The following LRP1B variants were observed in gnomAD, a reference collection of about 807,000 sequenced individuals.
LRP1B encodes the protein LDL receptor related protein 1B, also known as low-density lipoprotein receptor-related protein 1B.
Under a neutral mutation model 556.6 loss-of-function variants are expected in LRP1B, and 217 were observed. The observed-to-expected ratio is 0.39, with a 90% CI of 0.35 to 0.44. The LOEUF (loss-of-function observed/expected upper bound fraction) is 0.44. Among genes scored for constraint, LRP1B ranks in the 20% least tolerant of loss-of-function variants. The probability of loss-of-function intolerance (pLI) is 1.00; values close to 1 mark genes in which losing one functional copy is unlikely to be tolerated. For synonymous variants in LRP1B, 2,047 were observed against 1,865.8 expected, an observed-to-expected ratio of 1.10 and a Z score of -2.50; for missense variants, 5,053 against 5,620.8, an observed-to-expected ratio of 0.90 and a Z score of 3.23.
At chr2:140,501,527 A>G (rs1203570784) in intron 55 of LRP1B, among the ~76,000 whole-genome samples, 160 bp downstream of exon 55, 2 of 152,020 alleles carry the variant, frequency 1.3e-5, no homozygotes, top group African/African-American at 4.8e-5. Flanking sequence ...CAACTTTTAT[A>G]TCACACTACT....
chr2:142,089,027 T>C (rs1255143384), intron 1 of LRP1B, among the ~76,000 whole-genome samples: 4 of 146,664 alleles, frequency 2.7e-5, no homozygotes, highest in Non-Finnish European at 6.0e-5. Flanking sequence ...CTTATATACA[T>C]AAACGCATTA....
chr2:141,948,019 C>T (rs1224101169), intron 1 of LRP1B, among the ~76,000 whole-genome samples: 1 of 152,006 alleles, frequency 6.6e-6, no homozygotes, highest in Non-Finnish European at 1.5e-5. Flanking sequence ...GATGATAGGC[C>T]AGGCACAGTG....
At chr2:141,878,971 A>G (rs1357180104) in intron 1 of LRP1B, among the ~76,000 whole-genome samples, 1 of 151,866 alleles carries the variant, frequency 6.6e-6, no homozygotes, top group Non-Finnish European at 1.5e-5. Context: ...AAACCTTACT[A>G]TTTTTGAGAG....
intron 3 of LRP1B, among the ~76,000 whole-genome samples, chr2:141,392,843 G>C (rs181806139): frequency 1.3e-5 from 2 of 152,124 alleles, no homozygotes; most frequent in South Asian, 4.1e-4. Flanking sequence ...CTTAGGAATT[G>C]GGCTGTGGAA....
intron 2 of LRP1B, among the ~76,000 whole-genome samples, chr2:141,620,353 T>C (rs1025983363): frequency 1.3e-5 from 2 of 152,258 alleles, no homozygotes; most frequent in Admixed American, 6.5e-5. Context: ...GAACAGCTTT[T>C]AACAAAACCA....
rs115693237 is a variant in LRP1B at position 141,309,052 on chromosome 2, G to T, written c.344-54411C>A. Among the ~76,000 whole-genome samples the T allele has an allele frequency of 4.1e-3, 621 of 152,248 alleles. 2 individuals carry two copies. Among genetic ancestry groups the T allele is most frequent in the African/African-American group, 0.014 (575 of 41,566 alleles). On this transcript the variant is annotated intron_variant, in intron 3 of 90. Transcript: ENST00000389484. ...CTTCAAATTGAGGATTTGTTTTGTAGCACATTGAATTTTAGCACATGGTTT... is the reference window on the plus strand; with the variant it reads ...CTTCAAATTGAGGATTTGTTTTGTATCACATTGAATTTTAGCACATGGTTT...
At chr2:140,431,287 C>T (rs1685928413) in intron 66 of LRP1B, among the ~76,000 whole-genome samples, 1 of 152,202 alleles carries the variant, frequency 6.6e-6, no homozygotes, top group Non-Finnish European at 1.5e-5. Flanking sequence ...TTACCACTTT[C>T]CCTTCTCAGA....
Position 140,474,948 on chromosome 2 carries a change from T to C in LRP1B, c.9625+190A>G, listed in dbSNP as rs1228610803. 3.3e-5 allele frequency among the ~76,000 whole-genome samples: 5 copies of C among 150,398 alleles called. No individual in the cohort carries two copies. The Admixed American group carries it at 3.3e-4, about 10-fold the overall frequency. On this transcript the variant is annotated intron_variant, in intron 60 of 90. Transcript: ENST00000389484. ...AAGAAAACATTGATAGTGTAAAATA[T>C]CTTGTGCATAACATATAATTTTTGA... is the stretch of plus-strand genomic sequence containing the variant.
In LRP1B at chr2:142,124,752, A is replaced by G. The variant is rs143521511; in HGVS notation, c.82+5896T>C. The stretch of plus-strand genomic sequence containing the variant: ...AAAAATATTTCATTTGCCTAGTATG[A>G]GAGACACAACAGCAAAAGCACATAT... On this transcript the variant is annotated intron_variant, in intron 1 of 90. Coordinates refer to ENST00000389484, the MANE Select transcript of LRP1B (RefSeq NM_018557.3). Among the ~76,000 whole-genome samples the G allele has an allele frequency of 4.0e-3, 611 of 151,994 alleles. 23 individuals carry two copies. The highest frequency in any genetic ancestry group is 0.036 in the Admixed American group (548 of 15,234).
intron 2 of LRP1B, among the ~76,000 whole-genome samples, chr2:141,732,264 T>C (rs1693302310): frequency 1.3e-5 from 2 of 152,184 alleles, no homozygotes; most frequent in African/African-American, 2.4e-5. Flanking sequence ...TAAAAAAATC[T>C]GTAACTGTTC....
Position 141,841,603 on chromosome 2 carries a change from C to A in LRP1B, c.83-31202G>T, listed in dbSNP as rs184379922. Among the ~76,000 whole-genome samples, 48 of 152,160 alleles carry A rather than the reference C, an allele frequency of 3.2e-4. No individual in the cohort carries two copies. In the East Asian group the frequency reaches 8.3e-3, roughly 26 times the overall value. On this transcript the variant is annotated intron_variant, in intron 1 of 90. Coordinates refer to ENST00000389484, the MANE Select transcript of LRP1B (RefSeq NM_018557.3). ...TTCCAGATACTGTTTGTTTTGTATT[C>A]TTTGGCTTGAAAGCAGGGTTGATGA... is the stretch of plus-strand genomic sequence containing the variant.
chr2:140,450,672 A>T lies in LRP1B; in HGVS notation c.9964-11T>A. 1 of 1,575,774 alleles carries T rather than the reference A, an allele frequency of 6.3e-7. No homozygotes were observed. Among genetic ancestry groups the T allele is most frequent in the South Asian group, 1.1e-5 (1 of 88,686 alleles). ...AGTTTTGCAACGAAACTTAAAAAAG[A>T]AAAAAAGAAAAAAAAATGTTGAAGA... On this transcript the variant is annotated splice_polypyrimidine_tract_variant and intron_variant, in intron 62 of 90. Coordinates refer to ENST00000389484, the MANE Select transcript of LRP1B (RefSeq NM_018557.3).
rs1687200569 is a variant in LRP1B, at chr2:140,716,119, A to G, written c.5894-17T>C. 6.4e-7 allele frequency: 1 copy of G among 1,557,458 alleles called. No individual in the cohort carries two copies. The highest frequency in any genetic ancestry group is 1.2e-5 in the South Asian group (1 of 85,482). On this transcript the variant is annotated splice_polypyrimidine_tract_variant and intron_variant, in intron 36 of 90. Transcript: ENST00000389484. ...ATATGTTACCTAGGAGAAATAATAG[A>G]GGTGTTTATAATACAGTTTTGAGAA...
At chr2:141,914,346 T>C (rs1401776403) in intron 1 of LRP1B, among the ~76,000 whole-genome samples, 9 of 152,072 alleles carry the variant, frequency 5.9e-5, no homozygotes, top group Admixed American at 5.2e-4. Flanking sequence ...GTATGAAAAA[T>C]GCAATAGCAA....
intron 20 of LRP1B, among the ~76,000 whole-genome samples, chr2:140,933,347 A>G (rs544709059): frequency 7.2e-5 from 11 of 152,222 alleles, no homozygotes; most frequent in African/African-American, 2.4e-4. Context: ...TTATTATCAC[A>G]AAAGCAGGGA....
At chr2:141,872,093 C>T (rs1467399624) in intron 1 of LRP1B, among the ~76,000 whole-genome samples, 1 of 151,774 alleles carries the variant, frequency 6.6e-6, no homozygotes, top group Non-Finnish European at 1.5e-5. Flanking sequence ...ACCCTTCAGC[C>T]TAAAGAGAGA....
At chr2:140,748,215 T>G (rs1252760343) in intron 35 of LRP1B, among the ~76,000 whole-genome samples, 1 of 112,108 alleles carries the variant, frequency 8.9e-6, no homozygotes, top group Non-Finnish European at 1.8e-5. Context: ...TATATTCTTA[T>G]ATATAAAAGT....
intron 1 of LRP1B, among the ~76,000 whole-genome samples, chr2:141,866,817 G>A (rs896035753): frequency 1.3e-5 from 2 of 151,318 alleles, no homozygotes; most frequent in Non-Finnish European, 2.9e-5. Flanking sequence ...GAGGAGAGAG[G>A]AGAGAAAATA....
chr2:141,185,891 C>T (rs1012925674), intron 7 of LRP1B, among the ~76,000 whole-genome samples: 2 of 151,222 alleles, frequency 1.3e-5, no homozygotes, highest in African/African-American at 4.9e-5. Context: ...CCAACCTAGC[C>T]AATGTGGTGA....
Sources: allele counts gnomAD v4.1 joint callset (sites outside exome capture counted in the v4.1 genomes callset), GRCh38; gene constraint gnomAD v4.1.1; transcripts MANE v1.5; gene names NCBI Gene and HGNC (gene_info 2026-07-23, HGNC 2026-07-21).